The following PTK2 variants were observed in gnomAD, a reference collection of about 807,000 sequenced individuals.
PTK2 encodes the protein protein tyrosine kinase 2, also known as focal adhesion kinase 1.
Under a neutral mutation model 150.1 loss-of-function variants are expected in PTK2, and 45 were observed. The observed-to-expected ratio is 0.30, with a 90% confidence interval of 0.24 to 0.38. PTK2 has a LOEUF of 0.38. PTK2 is among the 10% of genes least tolerant of loss of function. The pLI is 1.00. For missense variants in PTK2, 919 were observed against 1,307.3 expected (o/e 0.70, Z 4.58); for synonymous variants, 432 against 449.2 (o/e 0.96, Z 0.48).
intron 31 of PTK2, chr8:140,660,734 C>T: frequency 2.5e-6 from 1 of 401,572 alleles, no homozygotes; most frequent in Non-Finnish European, 5.1e-6. Context: ...GTACGCCCCT[C>T]CCCCCGCACA....
intron 2 of PTK2, among the ~76,000 whole-genome samples, chr8:140,911,574 A>C (rs1010931747): frequency 2.6e-5 from 4 of 152,164 alleles, no homozygotes; most frequent in African/African-American, 9.7e-5. Flanking sequence ...GAACAGCTCA[A>C]TGACTTTTAA....
intron 22 of PTK2, chr8:140,718,482 G>C (rs370938251): frequency 6.6e-6 from 1 of 152,268 alleles, no homozygotes; most frequent in East Asian, 1.9e-4. Context: ...AGATGCCCCA[G>C]GGCTCAGCAG....
intron 5 of PTK2, 123 bp downstream of exon 5, chr8:140,864,189 C>A (rs918106648): frequency 2.0e-5 from 10 of 509,550 alleles, no homozygotes; most frequent in Non-Finnish European, 2.4e-5. Flanking sequence ...ATTCTTATTG[C>A]CATTCAGCAA....
chr8:140,872,192 G>C (rs1196767345), intron 4 of PTK2, among the ~76,000 whole-genome samples: 1 of 151,858 alleles, frequency 6.6e-6, no homozygotes, highest in Non-Finnish European at 1.5e-5. Context: ...TTACACGTGT[G>C]CACCACCATG....
intron 8 of PTK2, among the ~76,000 whole-genome samples, chr8:140,819,369 A>G (rs1566977534): frequency 6.6e-6 from 1 of 152,314 alleles, no homozygotes; most frequent in East Asian, 1.9e-4. Flanking sequence ...GTTAGGAGGG[A>G]AAAAAACAGT....
chr8:140,691,618 C>T (rs1037852166), intron 26 of PTK2, among the ~76,000 whole-genome samples: 3 of 152,154 alleles, frequency 2.0e-5, no homozygotes, highest in South Asian at 2.1e-4. Context: ...GCTAGAACAC[C>T]GGACAAACAG....
At chr8:140,914,769 C>T (rs1405035892) in intron 2 of PTK2, among the ~76,000 whole-genome samples, 1 of 152,090 alleles carries the variant, frequency 6.6e-6, no homozygotes, top group African/African-American at 2.4e-5. Context: ...GGAGTGGTGG[C>T]TCACATCTAT....
intron 22 of PTK2, among the ~76,000 whole-genome samples, chr8:140,731,211 C>T (rs912009677): frequency 6.6e-6 from 1 of 152,070 alleles, no homozygotes; most frequent in Non-Finnish European, 1.5e-5. Flanking sequence ...CCACCTGCCT[C>T]GGCCTCCCAA....
At chr8:140,979,793 G>C (rs1353941767) in intron 1 of PTK2, among the ~76,000 whole-genome samples, 1 of 152,134 alleles carries the variant, frequency 6.6e-6, no homozygotes, top group Non-Finnish European at 1.5e-5. Context: ...CCTTATACAA[G>C]CTCTCTTGAC....
At chr8:140,950,703 T>A (rs1482879079) in intron 1 of PTK2, among the ~76,000 whole-genome samples, 4 of 152,284 alleles carry the variant, frequency 2.6e-5, no homozygotes, top group African/African-American at 4.8e-5. Context: ...ATCCCAAAGA[T>A]CCTGTGACAC....
At chr8:140,907,928 C>A (rs1279320099) in intron 2 of PTK2, among the ~76,000 whole-genome samples, 1 of 120,156 alleles carries the variant, frequency 8.3e-6, no homozygotes, top group Non-Finnish European at 2.1e-5. Flanking sequence ...AATAACCCTA[C>A]AATGGCCTCT....
chr8:140,717,933 G>A, intron 22 of PTK2: 1 of 413,632 alleles, frequency 2.4e-6, no homozygotes, highest in Non-Finnish European at 4.4e-6. Flanking sequence ...CACAGCCATA[G>A]GTAAGAAAAA....
intron 16 of PTK2, among the ~76,000 whole-genome samples, chr8:140,759,205 T>G (rs1188045179): frequency 6.6e-6 from 1 of 152,142 alleles, no homozygotes; most frequent in East Asian, 1.9e-4. Flanking sequence ...CAATCTAATT[T>G]AAAAAGACAT....
chr8:140,975,818 A>G (rs1051881334), intron 1 of PTK2, among the ~76,000 whole-genome samples: 14 of 152,208 alleles, frequency 9.2e-5, no homozygotes, highest in African/African-American at 3.1e-4. Context: ...CCAGGGAACT[A>G]TAACAGTCTC....
At chr8:140,899,687 C>G (rs932627443) in intron 2 of PTK2, among the ~76,000 whole-genome samples, 3 of 152,006 alleles carry the variant, frequency 2.0e-5, no homozygotes, top group Admixed American at 6.6e-5. Flanking sequence ...GGAACGTAAA[C>G]ACAAATATCC....
chr8:140,748,941 C>T (rs2100061155), intron 17 of PTK2, among the ~76,000 whole-genome samples: 1 of 152,042 alleles, frequency 6.6e-6, no homozygotes, highest in Admixed American at 6.6e-5. Flanking sequence ...TGATGCCAAG[C>T]AAGGAAATTA....
At chr8:140,823,112 T>C (rs2100109791) in intron 8 of PTK2, among the ~76,000 whole-genome samples, 1 of 152,194 alleles carries the variant, frequency 6.6e-6, no homozygotes, top group Non-Finnish European at 1.5e-5. Flanking sequence ...TAAATTGGAA[T>C]ATGGTAGCAG....
Position 140,734,546 on chromosome 8 carries a change from G to A in PTK2, c.2030+705C>T, listed in dbSNP as rs566212144. On this transcript the variant is annotated intron_variant, in intron 22 of 31. Transcript: ENST00000522684. ...GAACCTCTCCAGGCCAGGCAACAGG[G>A]TAGAGTATGCACATGCTTCTCTGAG... 14 of 339,792 alleles carry A rather than the reference G, an allele frequency of 4.1e-5. No individual in the cohort carries two copies. The East Asian group carries it at 7.2e-4, about 18-fold the overall frequency. 21.0% of individuals were successfully genotyped at this position (339,792 alleles called of 1,614,324 possible).
chr8:140,920,942 G>A (rs2100167154), intron 2 of PTK2: 1 of 1,467,838 alleles, frequency 6.8e-7, no homozygotes, highest in African/African-American at 1.5e-5. Flanking sequence ...ATCAAGCCAG[G>A]AGTCTGCACA....
Sources: gnomAD v4.1 joint callset for allele counts (sites outside exome capture counted in the v4.1 genomes callset) on GRCh38, gnomAD v4.1.1 for gene constraint, MANE v1.5 for transcripts, NCBI Gene and HGNC (gene_info 2026-07-23, HGNC 2026-07-21) for gene names.